PKIG: variants seen among roughly 807,000 people sequenced by gnomAD.
PKIG encodes protein kinase (cAMP-dependent, catalytic) inhibitor gamma.
In PKIG, 1 loss-of-function variant was observed where a neutral mutation model predicts 6.8. That is an observed-to-expected ratio of 0.15 (90% CI 0.05 to 0.69). The LOEUF is 0.69. Ranked by LOEUF, PKIG falls within the 30% of genes least tolerant of loss-of-function variation. PKIG has a pLI of 0.82. For synonymous variants in PKIG, 39 were observed against 43.0 expected (o/e 0.91, Z 0.36); for missense variants, 77 against 104.0 (o/e 0.74, Z 1.13).
intron 1 of PKIG, among the ~76,000 whole-genome samples, chr20:44,571,293 A>T (rs2123291783): frequency 6.6e-6 from 1 of 152,200 alleles, no homozygotes; most frequent in East Asian, 1.9e-4. Context: ...TTTGCATTCT[A>T]TGTATAGACA....
chr20:44,570,043 A>G (rs1263639759), intron 1 of PKIG, among the ~76,000 whole-genome samples: 2 of 152,160 alleles, frequency 1.3e-5, no homozygotes, highest in African/African-American at 4.8e-5. Flanking sequence ...TTGTGGGAGA[A>G]TCACTTGAGA....
intron 1 of PKIG, among the ~76,000 whole-genome samples, chr20:44,583,070 C>G (rs961153469): frequency 6.6e-6 from 1 of 152,032 alleles, no homozygotes; most frequent in Non-Finnish European, 1.5e-5. Context: ...TTTGTAAAAC[C>G]CTTTCTTTTT....
chr20:44,571,674 T>TA (rs1207047479), intron 1 of PKIG, among the ~76,000 whole-genome samples: 1 of 152,254 alleles, frequency 6.6e-6, no homozygotes, highest in Non-Finnish European at 1.5e-5. Context: ...GCTTTTGCTA[T>TA]AAAAACAAGG....
At chr20:44,575,976 A>G (rs371697732) in intron 1 of PKIG, among the ~76,000 whole-genome samples, 5 of 152,226 alleles carry the variant, frequency 3.3e-5, no homozygotes, top group East Asian at 3.9e-4. Context: ...TTGTGCTCCA[A>G]ACTTCAGCTT....
intron 1 of PKIG, among the ~76,000 whole-genome samples, chr20:44,544,537 A>C (rs143013024): frequency 2.7e-4 from 41 of 152,290 alleles, no homozygotes; most frequent in African/African-American, 9.6e-4. Context: ...GCTTGCAGTC[A>C]CCAAGTGGTC....
At chr20:44,587,671 CA>C (rs1315593903) in intron 1 of PKIG, among the ~76,000 whole-genome samples, 1 of 151,980 alleles carries the variant, frequency 6.6e-6, no homozygotes, top group African/African-American at 2.4e-5. Flanking sequence ...CAGAAAAACA[CA>C]CTTAAAATAA....
At chr20:44,548,255 T>G (rs1054782973) in intron 1 of PKIG, among the ~76,000 whole-genome samples, 1 of 152,176 alleles carries the variant, frequency 6.6e-6, no homozygotes, top group Non-Finnish European at 1.5e-5. Flanking sequence ...ATGTTCTGGG[T>G]TAATTAACAT....
intron 1 of PKIG, among the ~76,000 whole-genome samples, chr20:44,567,534 CATCTT>C (rs1406330253): frequency 6.6e-6 from 1 of 152,228 alleles, no homozygotes; most frequent in African/African-American, 2.4e-5. Context: ...TCCTCATACT[CATCTT>C]GGCCATTCCT....
At chr20:44,544,871 T>C (rs2064596476) in intron 1 of PKIG, among the ~76,000 whole-genome samples, 1 of 152,000 alleles carries the variant, frequency 6.6e-6, no homozygotes, top group African/African-American at 2.4e-5. Context: ...AGTTTTTACA[T>C]TGACTTTCCT....
chr20:44,532,642 G>C (rs949757649), intron 1 of PKIG, among the ~76,000 whole-genome samples: 2 of 152,170 alleles, frequency 1.3e-5, no homozygotes, highest in Non-Finnish European at 2.9e-5. Flanking sequence ...GGACATACAG[G>C]GGGGCTGTGA....
At chr20:44,613,987 C>T (rs1034335204) in intron 2 of PKIG, among the ~76,000 whole-genome samples, 1 of 152,184 alleles carries the variant, frequency 6.6e-6, no homozygotes, top group Admixed American at 6.5e-5. Context: ...ACATGCTGTT[C>T]CCCTCTCTGT....
At chr20:44,557,656 TAAAAAA>T (rs3092366) in intron 1 of PKIG, among the ~76,000 whole-genome samples, 1 of 124,640 alleles carries the variant, frequency 8.0e-6, no homozygotes, top group Non-Finnish European at 1.7e-5. Context: ...CTGTCTCTAC[TAAAAAA>T]AAAAAAAAAA....
At chr20:44,551,969 G>T (rs2064672701) in intron 1 of PKIG, among the ~76,000 whole-genome samples, 1 of 152,158 alleles carries the variant, frequency 6.6e-6, no homozygotes, top group Non-Finnish European at 1.5e-5. Flanking sequence ...GTCTCCCCGT[G>T]TATTGGAATC....
At chr20:44,594,455 G>A (rs887762731) in intron 2 of PKIG, among the ~76,000 whole-genome samples, 1 of 152,138 alleles carries the variant, frequency 6.6e-6, no homozygotes, top group African/African-American at 2.4e-5. Context: ...CAGGTTCCTA[G>A]GAGGAAAGGA....
At position 44,618,685 on chromosome 20, in the gene PKIG, G is replaced by A. The variant is rs531305933; in HGVS notation, c.*321G>A. ...TACAGTGAGCAGCCCACACAGGAAC[G>A]CTCCTCTCGCGAGCGGCCCGGGCAG... is the stretch of plus-strand genomic sequence containing the variant. On this transcript the variant is annotated 3_prime_UTR_variant, in exon 4 of 4. Coordinates refer to ENST00000372886, the MANE Select transcript of PKIG (RefSeq NM_001281445.2). The A allele has an allele frequency of 1.2e-5, 3 of 250,726 alleles. No homozygotes were observed. Among genetic ancestry groups the A allele is most frequent in the East Asian group, 9.4e-5 (1 of 10,670 alleles). The allele number at this position is 250,726 out of a possible 1,614,324, so 15.5% of individuals were successfully genotyped here.
chr20:44,607,446 G>A (rs1224009452), intron 2 of PKIG, among the ~76,000 whole-genome samples: 11 of 140,696 alleles, frequency 7.8e-5, no homozygotes, highest in Admixed American at 1.5e-4. Flanking sequence ...GCGCAATCCC[G>A]GCTCACTGCA....
At chr20:44,588,005 T>C (rs1349626817) in intron 1 of PKIG, among the ~76,000 whole-genome samples, 1 of 152,130 alleles carries the variant, frequency 6.6e-6, no homozygotes, top group Non-Finnish European at 1.5e-5. Context: ...TTGAGGTTGC[T>C]CATGGCCGGA....
chr20:44,618,451 T>A lies in PKIG; in HGVS notation c.*87T>A. On this transcript the variant is annotated 3_prime_UTR_variant, in exon 4 of 4. Transcript: ENST00000372886. ...CTGGCACTGGCCCAGCAGCCTCTTC[T>A]CTGAGCTCCATGTCCCAGATAAACC... 1 of 905,714 alleles carries A rather than the reference T, an allele frequency of 1.1e-6. No homozygotes were observed. The highest frequency in any genetic ancestry group is 1.9e-6 in the Non-Finnish European group (1 of 539,998). The allele number at this position is 905,714 out of a possible 1,614,324, so 56.1% of individuals were successfully genotyped here. A position where few individuals can be genotyped will look rare whatever the true frequency, so the allele number is the denominator to read the frequency against.
intron 1 of PKIG, among the ~76,000 whole-genome samples, chr20:44,573,358 G>A (rs1275452954): frequency 6.6e-6 from 1 of 152,244 alleles, no homozygotes; most frequent in African/African-American, 2.4e-5. Context: ...CCTATGAGGA[G>A]ATTATGACTA....
Sources: gnomAD v4.1 joint callset for allele counts (sites outside exome capture counted in the v4.1 genomes callset) on GRCh38, gnomAD v4.1.1 for gene constraint, MANE v1.5 for transcripts, NCBI Gene and HGNC (gene_info 2026-07-23, HGNC 2026-07-21) for gene names.